Variants in CAMKMT observed in about 807,000 individuals in gnomAD.
CAMKMT encodes CaM KMT.
A neutral mutation model predicts 48.0 loss-of-function variants in CAMKMT; 53 were observed. That is an observed-to-expected ratio of 1.10 (90% CI 0.89 to 1.39). The LOEUF is 1.39. Among genes scored for constraint, CAMKMT ranks in the 40% most tolerant of loss-of-function variants. CAMKMT has a pLI of 0.00. For missense variants in CAMKMT, 428 were observed against 402.7 expected (o/e 1.06, Z -0.54); for synonymous variants, 165 against 152.3 (o/e 1.08, Z -0.61).
rs186919520 is a variant in CAMKMT at position 44,463,913 on chromosome 2, C to G, written c.376+73608C>G. Among the ~76,000 whole-genome samples, 410 of 152,104 alleles carry G rather than the reference C, an allele frequency of 2.7e-3. 6 individuals carry two copies. The highest frequency in any genetic ancestry group is 1.5e-3 in the East Asian group (8 of 5,186). ...GTGGCTGTTTTTCAAATGCAAAAAT[C>G]ACAACAAAAAATAACAAGGCACACA... On this transcript the variant is annotated intron_variant, in intron 3 of 10. Transcript: ENST00000378494.
chr2:44,414,732 C>G (rs1489038705), intron 3 of CAMKMT, among the ~76,000 whole-genome samples: 5 of 152,192 alleles, frequency 3.3e-5, no homozygotes, highest in Admixed American at 1.3e-4. Flanking sequence ...ATCTTGGAGG[C>G]TGGCCACCAA....
intron 3 of CAMKMT, among the ~76,000 whole-genome samples, chr2:44,685,524 T>C (rs556842898): frequency 6.6e-6 from 1 of 152,316 alleles, no homozygotes; most frequent in Admixed American, 6.5e-5. Flanking sequence ...GAGACCACCA[T>C]TAACCAGTAC....
intron 3 of CAMKMT, among the ~76,000 whole-genome samples, chr2:44,652,263 A>G (rs1260013687): frequency 6.6e-6 from 1 of 152,176 alleles, no homozygotes; most frequent in African/African-American, 2.4e-5. Flanking sequence ...TATTTTAGCA[A>G]TCCCTTTTAC....
At chr2:44,750,325 T>C (rs1310822813) in intron 8 of CAMKMT, among the ~76,000 whole-genome samples, 1 of 151,940 alleles carries the variant, frequency 6.6e-6, no homozygotes, top group Non-Finnish European at 1.5e-5. Flanking sequence ...CCTGGCTAAT[T>C]TTTGTATTTT....
At position 44,707,361 on chromosome 2, in the gene CAMKMT, T is replaced by C. The variant is rs752186955; in HGVS notation, c.493-38T>C. On this transcript the variant is annotated intron_variant, in intron 5 of 10. Coordinates refer to ENST00000378494, the MANE Select transcript of CAMKMT (RefSeq NM_024766.5). Reference sequence around the variant, plus strand: ...CTTCACTTCCACACAGACAAGCATATTTGCTCATTGTTTGCTGTGCTCCCT... The same window carrying C: ...CTTCACTTCCACACAGACAAGCATACTTGCTCATTGTTTGCTGTGCTCCCT... 3.8e-6 allele frequency: 6 copies of C among 1,596,284 alleles called. No homozygotes were observed. In the Admixed American group the frequency reaches 1.0e-4, roughly 27 times the overall value.
chr2:44,708,899 G>GT (rs548456224), intron 6 of CAMKMT, among the ~76,000 whole-genome samples: 11 of 152,036 alleles, frequency 7.2e-5, no homozygotes, highest in Admixed American at 2.6e-4. Context: ...GTAACCTAAG[G>GT]TTTTTTTCAA....
chr2:44,742,810 C>A (rs1165113351), intron 7 of CAMKMT, among the ~76,000 whole-genome samples: 1 of 152,056 alleles, frequency 6.6e-6, no homozygotes, highest in East Asian at 1.9e-4. Context: ...CAGGGTAGGA[C>A]ATGTTCAATC....
chr2:44,490,617 C>A (rs764920313), intron 3 of CAMKMT, among the ~76,000 whole-genome samples: 3 of 149,954 alleles, frequency 2.0e-5, no homozygotes, highest in Non-Finnish European at 4.5e-5. Context: ...TATTTATCTT[C>A]ATTTTGAAGT....
chr2:44,503,137 T>C (rs1670087543), intron 3 of CAMKMT, among the ~76,000 whole-genome samples: 1 of 152,152 alleles, frequency 6.6e-6, no homozygotes, highest in Non-Finnish European at 1.5e-5. Flanking sequence ...TTTAAAAAAA[T>C]TCTTTCCCAT....
intron 2 of CAMKMT, among the ~76,000 whole-genome samples, chr2:44,380,210 A>T (rs1315925783): frequency 6.6e-6 from 1 of 152,078 alleles, no homozygotes; most frequent in Non-Finnish European, 1.5e-5. Flanking sequence ...AAAGTTCCTC[A>T]GTTCTAGGAT....
At chr2:44,591,868 G>C (rs1320634010) in intron 3 of CAMKMT, among the ~76,000 whole-genome samples, 1 of 152,012 alleles carries the variant, frequency 6.6e-6, no homozygotes, top group Non-Finnish European at 1.5e-5. Flanking sequence ...ATACACCATG[G>C]AATACTATGC....
At position 44,441,528 on chromosome 2, in the gene CAMKMT, C is replaced by T. The variant is rs183831467; in HGVS notation, c.376+51223C>T. ...GCACTCAATAGATGTAGATGATTAA[C>T]TGTATAAAAAGACTGCGCTATCTTA... On this transcript the variant is annotated intron_variant, in intron 3 of 10. Coordinates refer to ENST00000378494, the MANE Select transcript of CAMKMT (RefSeq NM_024766.5). Among the ~76,000 whole-genome samples, 139 of 152,226 alleles carry T rather than the reference C, an allele frequency of 9.1e-4. 1 individual carries two copies. Among genetic ancestry groups the T allele is most frequent in the Admixed American group, 9.0e-3 (138 of 15,288 alleles).
chr2:44,595,246 A>G (rs1261372934), intron 3 of CAMKMT, among the ~76,000 whole-genome samples: 2 of 152,170 alleles, frequency 1.3e-5, no homozygotes, highest in South Asian at 2.1e-4. Context: ...CAGTGTGGCA[A>G]TTCACCAAGG....
intron 6 of CAMKMT, among the ~76,000 whole-genome samples, chr2:44,708,211 A>ATTTTTTTTTTTTTTTGTTTTTTTTTT (rs1677673044): frequency 1.5e-5 from 1 of 68,180 alleles, no homozygotes; most frequent in Non-Finnish European, 2.5e-5. Flanking sequence ...TTTGCTTTGG[A>ATTTTTTTTTTTTTTTGTTTTTTTTTT]TTTTTTTTTT....
Position 44,683,695 on chromosome 2 carries a change from C to T in CAMKMT, c.377-20588C>T, listed in dbSNP as rs187682729. On this transcript the variant is annotated intron_variant, in intron 3 of 10. Transcript: ENST00000378494. ...AAAATTAGGCGGGCGTGGTGGCGGA[C>T]GCCTGTAGTCCCAGCTACTCGGGAG... Among the ~76,000 whole-genome samples the T allele has an allele frequency of 4.0e-3, 607 of 151,498 alleles. 7 individuals are homozygous for T. Among genetic ancestry groups the T allele is most frequent in the African/African-American group, 0.014 (572 of 41,380 alleles).
chr2:44,527,429 TA>T (rs11297868), intron 3 of CAMKMT, among the ~76,000 whole-genome samples: 34,919 of 95,504 alleles, frequency 0.37, 4,967 homozygotes, highest in East Asian at 0.6. Context: ...TATATATATA[TA>T]TTTTTTTTTT....
At chr2:44,704,381 C>A (rs343989) in intron 4 of CAMKMT, 38 bp downstream of exon 4, 1 of 1,376,566 alleles carries the variant, frequency 7.3e-7, no homozygotes, top group Non-Finnish European at 1.0e-6. Flanking sequence ...TAGCCCATCA[C>A]GGATATTGAA....
intron 3 of CAMKMT, among the ~76,000 whole-genome samples, chr2:44,552,173 C>A (rs1325271715): frequency 6.6e-6 from 1 of 152,112 alleles, no homozygotes; most frequent in African/African-American, 2.4e-5. Context: ...TTATTCCACT[C>A]TATGCCCATA....
chr2:44,743,475 C>T, intron 7 of CAMKMT, 147 bp from the exon 8 acceptor site: 1 of 587,128 alleles, frequency 1.7e-6, no homozygotes, highest in Non-Finnish European at 3.0e-6. Flanking sequence ...AAGACAGTTA[C>T]ATCCTATTTT....
Sources: gnomAD v4.1 joint callset for allele counts (sites outside exome capture counted in the v4.1 genomes callset) on GRCh38, gnomAD v4.1.1 for gene constraint, MANE v1.5 for transcripts, NCBI Gene and HGNC (gene_info 2026-07-23, HGNC 2026-07-21) for gene names.